Variants in SNX29 observed in about 807,000 individuals in gnomAD.
The protein encoded by SNX29 is sorting nexin-29.
In SNX29, 78 loss-of-function variants were observed where a neutral mutation model predicts 102.1. The observed-to-expected ratio is 0.76, with a 90% CI of 0.64 to 0.92. The LOEUF (loss-of-function observed/expected upper bound fraction) is 0.92, where lower values mean the gene tolerates loss of function less well. SNX29 is among the 40% of genes least tolerant of loss of function. SNX29 has a pLI of 0.00. For missense variants in SNX29, 1,280 were observed against 1,061.7 expected, an observed-to-expected ratio of 1.21 and a Z score of -2.86; for synonymous variants, 580 against 414.5, an observed-to-expected ratio of 1.40 and a Z score of -4.85.
chr16:12,527,463 T>C (rs1324082110), intron 20 of SNX29: 2 of 427,954 alleles, frequency 4.7e-6, no homozygotes, highest in Non-Finnish European at 8.9e-6. Context: ...CAAATGTTGA[T>C]TTAGGATCCA....
intron 12 of SNX29, among the ~76,000 whole-genome samples, chr16:12,128,282 T>C (rs1443146039): frequency 2.6e-5 from 4 of 152,206 alleles, no homozygotes; most frequent in African/African-American, 9.7e-5. Context: ...AGTCACTGTC[T>C]GTTACTTTTT....
chr16:12,446,335 C>T (rs1407956388), intron 18 of SNX29, among the ~76,000 whole-genome samples: 4 of 152,152 alleles, frequency 2.6e-5, no homozygotes, highest in Non-Finnish European at 5.9e-5. Context: ...GGATTACAGG[C>T]GTGAGCCACT....
intron 15 of SNX29, among the ~76,000 whole-genome samples, chr16:12,337,379 C>T (rs2550969): frequency 0.97 from 147,979 of 152,070 alleles, 72,137 homozygotes; most frequent in Middle Eastern, 1. Context: ...TCTTGCTGTG[C>T]TACCCAGGCT....
At chr16:12,325,930 T>A (rs938119105) in intron 15 of SNX29, among the ~76,000 whole-genome samples, 3 of 152,012 alleles carry the variant, frequency 2.0e-5, no homozygotes, top group Admixed American at 1.3e-4. Flanking sequence ...TCAGGGAGAC[T>A]GAGGCAGGAA....
chr16:12,064,057 A>G (rs1159242985), intron 9 of SNX29, among the ~76,000 whole-genome samples: 1 of 151,874 alleles, frequency 6.6e-6, no homozygotes, highest in East Asian at 1.9e-4. Flanking sequence ...TCATGAATCA[A>G]TTTCCTGCTC....
At chr16:12,107,789 C>A (rs979405026) in intron 11 of SNX29, among the ~76,000 whole-genome samples, 2 of 152,156 alleles carry the variant, frequency 1.3e-5, no homozygotes, top group Non-Finnish European at 2.9e-5. Context: ...CTCAGACATC[C>A]TCCCCAGGCC....
chr16:12,265,386 C>A lies in SNX29; in HGVS notation c.1679-12547C>A, dbSNP rs939051321. Among the ~76,000 whole-genome samples the A allele has an allele frequency of 5.3e-5, 8 of 152,226 alleles. No individual in the cohort carries two copies. The South Asian group carries it at 1.7e-3, about 32-fold the overall frequency. ...TAACAGCTTTGATTTTATGCAACAG[C>A]CATTCCCAGCTGTCCCCGTGGATGC... On this transcript the variant is annotated intron_variant, in intron 14 of 20. Transcript: ENST00000566228.
rs528606787 is a variant in SNX29 at position 12,038,598 on chromosome 16, T to G, written c.248-4299T>G. The stretch of plus-strand genomic sequence containing the variant: ...GAGCTGCGCTTTAAATAGACCACAT[T>G]AATTCTGGCAGTGGAAGCGGAACCC... On this transcript the variant is annotated intron_variant, in intron 4 of 20. Transcript: ENST00000566228. The G allele has an allele frequency of 2.6e-5, 4 of 152,352 alleles. No homozygotes were observed. In the East Asian group the frequency reaches 7.7e-4, roughly 29 times the overall value. 9.4% of individuals were successfully genotyped at this position (152,352 alleles called of 1,614,324 possible). A position where few individuals can be genotyped will look rare whatever the true frequency, so the allele number is the denominator to read the frequency against.
chr16:12,069,224 G>T (rs2151300626), intron 10 of SNX29, 92 bp downstream of exon 10: 3 of 1,094,444 alleles, frequency 2.7e-6, no homozygotes, highest in Non-Finnish European at 4.0e-6. Context: ...GAGTGCACCT[G>T]CTAGGATTAA....
At chr16:12,243,902 A>C (rs974871270) in intron 14 of SNX29, among the ~76,000 whole-genome samples, 2 of 152,198 alleles carry the variant, frequency 1.3e-5, no homozygotes, top group African/African-American at 2.4e-5. Context: ...CATGTCTGGA[A>C]CCATTGTCAA....
intron 14 of SNX29, among the ~76,000 whole-genome samples, chr16:12,248,141 T>G (rs1157916139): frequency 6.6e-6 from 1 of 152,238 alleles, no homozygotes. Context: ...AGTTGGCTCA[T>G]GTCACTGTTG....
chr16:12,228,551 G>A (rs1398870459), intron 14 of SNX29, among the ~76,000 whole-genome samples: 1 of 152,206 alleles, frequency 6.6e-6, no homozygotes, highest in Non-Finnish European at 1.5e-5. Context: ...ATATTTTCCT[G>A]CTTAAAACCC....
chr16:12,523,980 G>A (rs767736187), intron 19 of SNX29, among the ~76,000 whole-genome samples: 96 of 152,182 alleles, frequency 6.3e-4, no homozygotes, highest in African/African-American at 2.1e-3. Flanking sequence ...TCTGCCTCCC[G>A]GGTTCAAGTG....
intron 18 of SNX29, among the ~76,000 whole-genome samples, chr16:12,409,010 C>T (rs914708879): frequency 2.6e-5 from 4 of 152,158 alleles, no homozygotes; most frequent in African/African-American, 9.7e-5. Flanking sequence ...GTTCCTGTGT[C>T]CTGAGAGGGA....
chr16:12,422,223 G>A (rs924939123), intron 18 of SNX29, among the ~76,000 whole-genome samples: 4 of 152,162 alleles, frequency 2.6e-5, no homozygotes, highest in Admixed American at 2.0e-4. Flanking sequence ...GTGTGACCTT[G>A]GGAAGGTTAT....
At chr16:12,059,500 A>G (rs2050679933) in intron 8 of SNX29, among the ~76,000 whole-genome samples, 1 of 152,206 alleles carries the variant, frequency 6.6e-6, no homozygotes, top group African/African-American at 2.4e-5. Flanking sequence ...GCATGGTTGA[A>G]TGATCTGTCT....
chr16:11,981,930 C>T (rs1466242584), intron 1 of SNX29, among the ~76,000 whole-genome samples: 4 of 151,736 alleles, frequency 2.6e-5, no homozygotes, highest in South Asian at 2.1e-4. Context: ...GTGGGTCTGG[C>T]GTGATTGCTC....
chr16:12,431,324 T>TTAA (rs2085304185), intron 18 of SNX29, among the ~76,000 whole-genome samples: 1 of 149,762 alleles, frequency 6.7e-6, no homozygotes, highest in Non-Finnish European at 1.5e-5. Flanking sequence ...AGAACATCCC[T>TTAA]CCAATTAACA....
At chr16:12,176,775 A>G (rs1054376143) in intron 13 of SNX29, among the ~76,000 whole-genome samples, 2 of 152,176 alleles carry the variant, frequency 1.3e-5, no homozygotes, top group Non-Finnish European at 2.9e-5. Flanking sequence ...GAATTGTGAA[A>G]GAGATTGGCT....
Sources: allele counts gnomAD v4.1 joint callset (sites outside exome capture counted in the v4.1 genomes callset), GRCh38; gene constraint gnomAD v4.1.1; transcripts MANE v1.5; gene names NCBI Gene and HGNC (gene_info 2026-07-23, HGNC 2026-07-21).